HNF4G: variants seen among roughly 807,000 people sequenced by gnomAD.
HNF4G encodes the protein hepatocyte nuclear factor 4-gamma.
Under a neutral mutation model 50.9 loss-of-function variants are expected in HNF4G, and 21 were observed. The ratio of observed to expected loss-of-function variants is 0.41; its 90% confidence interval spans 0.29 to 0.59. The LOEUF is 0.59. Among genes scored for constraint, HNF4G ranks in the 20% least tolerant of loss-of-function variants. The probability of loss-of-function intolerance (pLI) is 0.26; values close to 1 mark genes in which losing one functional copy is unlikely to be tolerated. For missense variants in HNF4G, 527 were observed against 559.4 expected, an observed-to-expected ratio of 0.94 and a Z score of 0.58; for synonymous variants, 198 against 185.6, an observed-to-expected ratio of 1.07 and a Z score of -0.54.
At chr8:75,415,939 G>T (rs765998274) in intron 1 of HNF4G, among the ~76,000 whole-genome samples, 8 of 152,002 alleles carry the variant, frequency 5.3e-5, no homozygotes, top group Non-Finnish European at 8.8e-5. Flanking sequence ...GATAAAGTTT[G>T]GGTTGTATAC....
chr8:75,424,313 C>T (rs561254420), intron 1 of HNF4G, among the ~76,000 whole-genome samples: 1 of 152,034 alleles, frequency 6.6e-6, no homozygotes, highest in East Asian at 1.9e-4. Context: ...CTATCTAACC[C>T]TTTTTAAAAT....
intron 1 of HNF4G, among the ~76,000 whole-genome samples, chr8:75,476,114 G>T (rs13258773): frequency 0.05 from 7,630 of 151,848 alleles, 265 homozygotes; most frequent in Non-Finnish European, 0.072. Context: ...CAATTTTTTT[G>T]GAGTCTCCTG....
rs1322411086 is a variant in HNF4G at position 75,516,737 on chromosome 8, T to C, written c.-24+26529T>C. On this transcript the variant is annotated intron_variant, in intron 2 of 10. Transcript: ENST00000354370. ...TGCTTCATATATTTTGTAGCTCTTTTGTTAAGTCCATATATATTTAAGATT... is the reference window on the plus strand; with the variant it reads ...TGCTTCATATATTTTGTAGCTCTTTCGTTAAGTCCATATATATTTAAGATT... 4.6e-5 allele frequency among the ~76,000 whole-genome samples: 7 copies of C among 152,340 alleles called. No homozygotes were observed. The East Asian group carries it at 1.4e-3, about 29-fold the overall frequency.
chr8:75,410,174 T>C (rs943397999), intron 1 of HNF4G, among the ~76,000 whole-genome samples: 2 of 152,202 alleles, frequency 1.3e-5, no homozygotes, highest in African/African-American at 4.8e-5. Flanking sequence ...GATATGAATA[T>C]CTATGTACAT....
At chr8:75,423,818 T>TC (rs1810830916) in intron 1 of HNF4G, among the ~76,000 whole-genome samples, 4 of 64,994 alleles carry the variant, frequency 6.2e-5, no homozygotes, top group African/African-American at 2.7e-4. Context: ...TTTCTTTCTT[T>TC]TTTTTTTTTT....
rs1231302182 is a variant in HNF4G at position 75,565,075 on chromosome 8, A to G, written c.*979A>G. 14 of 152,216 alleles carry G rather than the reference A, an allele frequency of 9.2e-5. No homozygotes were observed. Among genetic ancestry groups the G allele is most frequent in the Non-Finnish European group, 7.3e-5 (5 of 68,034 alleles). 9.4% of individuals were successfully genotyped at this position (152,216 alleles called of 1,614,324 possible). A position where few individuals can be genotyped will look rare whatever the true frequency, so the allele number is the denominator to read the frequency against. ...AGATATCATTATCGCTGTTTTATAAATAAGGGAAACTTTAGCTTGAGGGTT... is the reference window on the plus strand; with the variant it reads ...AGATATCATTATCGCTGTTTTATAAGTAAGGGAAACTTTAGCTTGAGGGTT... On this transcript the variant is annotated 3_prime_UTR_variant, in exon 10 of 10. Transcript: ENST00000396423.
chr8:75,423,625 C>T (rs924003130), intron 1 of HNF4G, among the ~76,000 whole-genome samples: 1 of 151,810 alleles, frequency 6.6e-6, no homozygotes, highest in African/African-American at 2.4e-5. Context: ...CTCCCGACCT[C>T]GTGGCCTGCC....
rs372535494 is a variant in HNF4G, at chr8:75,511,257, A to T, written c.-24+21049A>T. ...CATTTACCCATTAGACTGGAATGCC[A>T]TGTGGATATCAACTTTTGTCTAGGC... On this transcript the variant is annotated intron_variant, in intron 2 of 10. Transcript: ENST00000354370. Among the ~76,000 whole-genome samples, 4 of 152,206 alleles carry T rather than the reference A, an allele frequency of 2.6e-5. No homozygotes were observed. In the East Asian group the frequency reaches 5.8e-4, roughly 22 times the overall value.
chr8:75,431,154 T>C (rs1456951830), intron 1 of HNF4G, among the ~76,000 whole-genome samples: 2 of 151,930 alleles, frequency 1.3e-5, no homozygotes, highest in Non-Finnish European at 2.9e-5. Flanking sequence ...CTGAGAAAAT[T>C]ATATAGAAGG....
At chr8:75,444,152 C>G (rs931124761) in intron 1 of HNF4G, among the ~76,000 whole-genome samples, 2 of 151,764 alleles carry the variant, frequency 1.3e-5, no homozygotes, top group African/African-American at 4.8e-5. Context: ...GAATTTTCAA[C>G]CCAGAATTTC....
chr8:75,440,546 G>A (rs1026538903), intron 1 of HNF4G, among the ~76,000 whole-genome samples: 3 of 152,014 alleles, frequency 2.0e-5, no homozygotes, highest in African/African-American at 4.8e-5. Context: ...TCAAATATAT[G>A]GAAGATAATG....
At position 75,566,244 on chromosome 8, in the gene HNF4G, C is replaced by T. The variant is rs1287979717; in HGVS notation, c.*2148C>T. 2 of 152,236 alleles carry T rather than the reference C, an allele frequency of 1.3e-5. No homozygotes were observed. The highest frequency in any genetic ancestry group is 3.9e-4 in the East Asian group (2 of 5,182). The allele number at this position is 152,236 out of a possible 1,614,324, so 9.4% of individuals were successfully genotyped here. A position where few individuals can be genotyped will look rare whatever the true frequency, so the allele number is the denominator to read the frequency against. On this transcript the variant is annotated 3_prime_UTR_variant, in exon 10 of 10. Transcript: ENST00000396423. ...CATAAAAGGAAAAAGGTAGCTCTCT[C>T]GAGTCTCTTTAATAAAGATACTAAT...
intron 1 of HNF4G, among the ~76,000 whole-genome samples, chr8:75,442,234 C>T (rs2130549846): frequency 6.6e-6 from 1 of 152,182 alleles, no homozygotes; most frequent in South Asian, 2.1e-4. Context: ...GTACCCAGGG[C>T]ACATCGAAAT....
intron 2 of HNF4G, among the ~76,000 whole-genome samples, chr8:75,521,877 C>CA (rs1554577492): frequency 6.6e-6 from 1 of 152,166 alleles, no homozygotes; most frequent in Non-Finnish European, 1.5e-5. Context: ...CCATTCCCCC[C>CA]ACACACAGTC....
intron 2 of HNF4G, among the ~76,000 whole-genome samples, chr8:75,524,558 G>T (rs1419979780): frequency 6.6e-6 from 1 of 152,044 alleles, no homozygotes; most frequent in Non-Finnish European, 1.5e-5. Context: ...TTGTGTATCA[G>T]AATTATGACA....
chr8:75,550,353 C>T (rs898292963), intron 3 of HNF4G, among the ~76,000 whole-genome samples: 28 of 152,028 alleles, frequency 1.8e-4, no homozygotes, highest in African/African-American at 6.5e-4. Context: ...CACTCTGTCA[C>T]TCAGGCTGGT....
chr8:75,425,197 G>T (rs1379339425), intron 1 of HNF4G, among the ~76,000 whole-genome samples: 1 of 151,744 alleles, frequency 6.6e-6, no homozygotes, highest in Non-Finnish European at 1.5e-5. Flanking sequence ...TGATTCTCCC[G>T]TCTCAGCCTC....
intron 1 of HNF4G, among the ~76,000 whole-genome samples, chr8:75,423,736 G>T (rs1317431250): frequency 1.4e-5 from 2 of 144,130 alleles, no homozygotes; most frequent in Admixed American, 7.0e-5. Context: ...AACATTTAAA[G>T]AATTTTTTAA....
At chr8:75,452,338 T>C (rs1811603811) in intron 1 of HNF4G, among the ~76,000 whole-genome samples, 2 of 152,180 alleles carry the variant, frequency 1.3e-5, no homozygotes. Context: ...GTACATGATT[T>C]ATAGACTATT....
Sources: allele counts gnomAD v4.1 joint callset (sites outside exome capture counted in the v4.1 genomes callset), GRCh38; gene constraint gnomAD v4.1.1; transcripts MANE v1.5; gene names NCBI Gene and HGNC (gene_info 2026-07-23, HGNC 2026-07-21).